The following MYO9A variants were observed in gnomAD, a reference collection of about 807,000 sequenced individuals.
MYO9A encodes unconventional myosin-IXa.
A neutral mutation model predicts 293.3 loss-of-function variants in MYO9A; 103 were observed. That is an observed-to-expected ratio of 0.35 (90% confidence interval 0.30 to 0.41). The LOEUF (loss-of-function observed/expected upper bound fraction) is 0.41. Among genes scored for constraint, MYO9A ranks in the 10% least tolerant of loss-of-function variants. The pLI is 1.00. For missense variants in MYO9A, 2,685 were observed against 3,033.0 expected, an observed-to-expected ratio of 0.89 and a Z score of 2.69; for synonymous variants, 1,001 against 1,035.7, an observed-to-expected ratio of 0.97 and a Z score of 0.64.
At chr15:72,032,936 T>C (rs995458260) in intron 2 of MYO9A, among the ~76,000 whole-genome samples, 1 of 152,130 alleles carries the variant, frequency 6.6e-6, no homozygotes, top group South Asian at 2.1e-4. Context: ...CTGCAACCTC[T>C]GCCTTCTGGG....
At chr15:71,936,467 G>C (rs1366960099) in intron 16 of MYO9A, among the ~76,000 whole-genome samples, 3 of 152,024 alleles carry the variant, frequency 2.0e-5, no homozygotes. Flanking sequence ...ACAGCTAGAA[G>C]ACAGAATTTT....
intron 19 of MYO9A, among the ~76,000 whole-genome samples, chr15:71,916,129 T>TCA (rs2058005276): frequency 6.6e-6 from 1 of 152,096 alleles, no homozygotes; most frequent in African/African-American, 2.4e-5. Flanking sequence ...TGCTTTCTCC[T>TCA]CACACTGAAA....
At position 71,922,056 on chromosome 15, in the gene MYO9A, C is replaced by T. The variant is rs558541204; in HGVS notation, c.2563-5564G>A. Among the ~76,000 whole-genome samples, 3 of 152,304 alleles carry T rather than the reference C, an allele frequency of 2.0e-5. No individual in the cohort carries two copies. The South Asian group carries it at 6.2e-4, about 32-fold the overall frequency. On this transcript the variant is annotated intron_variant, in intron 18 of 41. Coordinates refer to ENST00000356056, the MANE Select transcript of MYO9A (RefSeq NM_006901.4). Reference sequence around the variant, plus strand: ...GCAGTGGCGCGATCCTGGCTCACCGCAACCTCCGCCTCCCAGGTTCAAGCA... The same window carrying T: ...GCAGTGGCGCGATCCTGGCTCACCGTAACCTCCGCCTCCCAGGTTCAAGCA...
intron 33 of MYO9A, among the ~76,000 whole-genome samples, chr15:71,861,751 A>G (rs1252676335): frequency 6.6e-6 from 1 of 151,758 alleles, no homozygotes; most frequent in Non-Finnish European, 1.5e-5. Flanking sequence ...GTGTAGACTG[A>G]AAAACAAGAA....
In MYO9A at chr15:71,888,108, C is replaced by A; in HGVS notation, c.5151G>T (p.Gln1717His). The A allele has an allele frequency of 6.4e-7, 1 of 1,573,302 alleles. No individual in the cohort carries two copies. ...LAGPGQRETS[Q>H]RFSSVDEQAK... ...CTTGTTCATCAACTGACGAAAATCG[C>A]TGTGATGTCTGTAATAATTACATAT... The change falls in exon 27 of 42, where the codon CAG (glutamine) becomes CAT (histidine). Residue 1717 changes from glutamine to histidine, a missense_variant. Around this residue, in one of 10 missense-constraint regions of MYO9A, gnomAD observed 1,434 missense variants for 1,497.7 expected, o/e 0.96. Coordinates refer to ENST00000356056, the MANE Select transcript of MYO9A (RefSeq NM_006901.4).
chr15:72,081,965 G>C (rs1323328806), intron 1 of MYO9A, among the ~76,000 whole-genome samples: 1 of 152,114 alleles, frequency 6.6e-6, no homozygotes, highest in Non-Finnish European at 1.5e-5. Context: ...AAGTCTGGTA[G>C]ATGCCTCCAA....
Position 71,888,066 on chromosome 15 carries a change from A to G in MYO9A, c.5193T>C (p.Thr1731=). 6.2e-7 allele frequency: 1 copy of G among 1,610,890 alleles called. No individual in the cohort carries two copies. The highest frequency in any genetic ancestry group is 8.5e-7 in the Non-Finnish European group (1 of 1,178,404). The change falls in exon 27 of 42, where the codon ACT becomes ACC. Residue 1731 remains threonine, a synonymous_variant. Coordinates refer to ENST00000356056, the MANE Select transcript of MYO9A (RefSeq NM_006901.4). The part of the protein sequence containing the change: ...SVDEQAKLHK[T]MSQGEITKLA... ...ACTTGGTAATCTCTCCTTGAGACAT[A>G]GTCTTATGAAGTTTTGCTTGTTCAT...
At chr15:72,002,369 T>C (rs1401270408) in intron 8 of MYO9A, among the ~76,000 whole-genome samples, 1 of 151,682 alleles carries the variant, frequency 6.6e-6, no homozygotes, top group African/African-American at 2.4e-5. Flanking sequence ...TGCCTCAGCC[T>C]CCCGAGTAGC....
intron 35 of MYO9A, among the ~76,000 whole-genome samples, chr15:71,853,144 T>C (rs1330664761): frequency 1.3e-5 from 2 of 152,004 alleles, no homozygotes; most frequent in Non-Finnish European, 2.9e-5. Context: ...AGCACTGTTA[T>C]ACTGCTATAA....
intron 9 of MYO9A, among the ~76,000 whole-genome samples, chr15:71,996,330 T>C (rs1250749346): frequency 6.6e-6 from 1 of 152,228 alleles, no homozygotes; most frequent in Non-Finnish European, 1.5e-5. Context: ...AACTAAAGTC[T>C]AACTACAGTA....
At chr15:71,934,179 C>T (rs2058561146) in intron 17 of MYO9A, among the ~76,000 whole-genome samples, 3 of 152,150 alleles carry the variant, frequency 2.0e-5, no homozygotes, top group South Asian at 4.1e-4. Context: ...AACCTCAATA[C>T]CATACTTAAA....
intron 11 of MYO9A, among the ~76,000 whole-genome samples, chr15:71,985,754 T>C (rs2076392997): frequency 6.6e-6 from 1 of 152,204 alleles, no homozygotes; most frequent in Non-Finnish European, 1.5e-5. Flanking sequence ...TATTTGAAGG[T>C]ACTCCAATGC....
intron 34 of MYO9A, among the ~76,000 whole-genome samples, chr15:71,858,186 G>A (rs1169098565): frequency 6.6e-6 from 1 of 152,240 alleles, no homozygotes. Context: ...AACCATTGTG[G>A]AAGACAGTGT....
chr15:72,060,824 T>G (rs540134527), intron 1 of MYO9A, among the ~76,000 whole-genome samples: 1 of 152,250 alleles, frequency 6.6e-6, no homozygotes, highest in South Asian at 2.1e-4. Context: ...TCAGTGGACT[T>G]GAGGTGCACA....
chr15:72,003,561 G>A (rs1005972442), intron 8 of MYO9A, among the ~76,000 whole-genome samples: 58 of 151,898 alleles, frequency 3.8e-4, no homozygotes, highest in African/African-American at 1.3e-3. Context: ...AAAATTAGCC[G>A]GACATGGTGG....
At chr15:71,856,029 G>C (rs1414904255) in intron 34 of MYO9A, among the ~76,000 whole-genome samples, 2 of 152,164 alleles carry the variant, frequency 1.3e-5, no homozygotes, top group African/African-American at 4.8e-5. Flanking sequence ...AGTAGTGTTA[G>C]GCCCGGCACA....
chr15:71,849,728 T>A (rs2055553386), intron 38 of MYO9A, among the ~76,000 whole-genome samples: 1 of 151,974 alleles, frequency 6.6e-6, no homozygotes, highest in South Asian at 2.1e-4. Flanking sequence ...AAGACCACAG[T>A]TAGACTAGAT....
In MYO9A at chr15:71,826,716, T is replaced by G. The variant is rs112048853; in HGVS notation, c.7511A>C (p.Asn2504Thr). ...NPEKGKQKLKNVKNSPQKTKE... is the reference protein window; with the variant it reads ...NPEKGKQKLKTVKNSPQKTKE... ...GGTTTTCTGAGGTGAGTTTTTCACATTCTTTAATTTTTGTTTGCCCTTTTC... is the reference window on the plus strand; with the variant it reads ...GGTTTTCTGAGGTGAGTTTTTCACAGTCTTTAATTTTTGTTTGCCCTTTTC... Residue 2504 changes from asparagine (N) to threonine (T), a missense_variant, in exon 42 of 42, where the codon AAT becomes ACT. Asn to Thr is a moderately conservative substitution (Grantham distance 65, BLOSUM62 0). Around this residue, in one of 10 missense-constraint regions of MYO9A, gnomAD observed 350 missense variants for 328.9 expected, o/e 1.06. Coordinates refer to ENST00000356056, the MANE Select transcript of MYO9A (RefSeq NM_006901.4). The G allele has an allele frequency of 3.1e-3, 4,955 of 1,614,152 alleles. 127 individuals are homozygous for G. In the African/African-American group the frequency reaches 0.056, roughly 18 times the overall value.
At chr15:71,891,488 T>C (rs1289518852) in intron 26 of MYO9A, 1 of 152,198 alleles carries the variant, frequency 6.6e-6, no homozygotes, top group African/African-American at 2.4e-5. Flanking sequence ...AGCAGGACTT[T>C]TCATCAAAAT....
Sources: gnomAD v4.1 joint callset for allele counts (sites outside exome capture counted in the v4.1 genomes callset) on GRCh38, gnomAD v4.1.1 for gene constraint, gnomAD v4.1.1 regional missense constraint, MANE v1.5 for transcripts, NCBI Gene and HGNC (gene_info 2026-07-23, HGNC 2026-07-21) for gene names.